MEMO1: variants seen among roughly 807,000 people sequenced by gnomAD.
The protein encoded by MEMO1 is protein MEMO1.
A neutral mutation model predicts 45.2 loss-of-function variants in MEMO1; 6 were observed. That is an observed-to-expected ratio of 0.13 (90% CI 0.07 to 0.26). The LOEUF is 0.26. Ranked by LOEUF, MEMO1 falls within the 10% of genes least tolerant of loss-of-function variation. The pLI is 1.00. For missense variants in MEMO1, 184 were observed against 370.5 expected (o/e 0.50, Z 4.13); for synonymous variants, 78 against 124.3 (o/e 0.63, Z 2.48).
At chr2:31,906,034 C>T (rs927531064) in intron 6 of MEMO1, among the ~76,000 whole-genome samples, 4 of 151,512 alleles carry the variant, frequency 2.6e-5, no homozygotes, top group South Asian at 2.1e-4. Context: ...AGTGCAATGG[C>T]GCAATCTCGG....
At chr2:31,936,339 T>G (rs1664916618) in intron 3 of MEMO1, among the ~76,000 whole-genome samples, 3 of 152,236 alleles carry the variant, frequency 2.0e-5, no homozygotes, top group Admixed American at 1.3e-4. Flanking sequence ...CAAGTCACTC[T>G]GATTCCCAAC....
chr2:31,969,586 G>GGT (rs367639470), intron 2 of MEMO1, among the ~76,000 whole-genome samples: 8,746 of 119,068 alleles, frequency 0.073, 302 homozygotes, highest in East Asian at 0.13. Context: ...TGTGTGTGTG[G>GGT]GTGTGTGTGT....
intron 8 of MEMO1, among the ~76,000 whole-genome samples, chr2:31,874,177 A>T (rs1366172476): frequency 6.6e-6 from 1 of 152,120 alleles, no homozygotes; most frequent in Non-Finnish European, 1.5e-5. Flanking sequence ...GTCTACACCA[A>T]AAAAAGTAGT....
intron 8 of MEMO1, among the ~76,000 whole-genome samples, chr2:31,874,547 T>G (rs965419180): frequency 6.6e-6 from 1 of 152,096 alleles, no homozygotes; most frequent in African/African-American, 2.4e-5. Flanking sequence ...TAGTTTTATT[T>G]TCTAGCCTTG....
chr2:31,992,715 T>TG (rs1192942246), intron 2 of MEMO1, among the ~76,000 whole-genome samples: 9 of 152,086 alleles, frequency 5.9e-5, no homozygotes, highest in Admixed American at 3.3e-4. Flanking sequence ...ACCCAGGAGA[T>TG]GGAGGGTGCA....
chr2:31,992,611 C>G (rs1374998749), intron 2 of MEMO1, among the ~76,000 whole-genome samples: 5 of 152,186 alleles, frequency 3.3e-5, no homozygotes, highest in African/African-American at 1.2e-4. Context: ...TGGCAAAACC[C>G]CATCTCTACC....
At position 31,943,330 on chromosome 2, in the gene MEMO1, T is replaced by C; in HGVS notation, c.115A>G (p.Lys39Glu). The change falls in exon 3 of 10, where the codon AAA becomes GAA. Residue 39 changes from lysine to glutamate, a missense_variant. This residue lies in a region of MEMO1 where 27 missense variants were observed against 82.1 expected (regional missense o/e 0.33). Coordinates refer to ENST00000404530, the MANE Select transcript of MEMO1 (RefSeq NM_001301833.4). ...EGWLSQVQST[K>E]RPARAIIAPH... ...GCAATAATGGCTCTAGCAGGTCTTT[T>C]TGTAGACTGTACTTGTGAAAGCCAA... 1.2e-6 allele frequency: 2 copies of C among 1,613,888 alleles called. No individual in the cohort carries two copies. Among genetic ancestry groups the C allele is most frequent in the Non-Finnish European group, 1.7e-6 (2 of 1,179,784 alleles).
chr2:31,919,082 G>C (rs967717851), intron 5 of MEMO1, among the ~76,000 whole-genome samples: 3 of 151,668 alleles, frequency 2.0e-5, no homozygotes, highest in Non-Finnish European at 4.4e-5. Flanking sequence ...TAAGAAAGAA[G>C]AATTTTTTCT....
At chr2:31,904,346 C>G (rs1269945880) in intron 6 of MEMO1, among the ~76,000 whole-genome samples, 2 of 152,206 alleles carry the variant, frequency 1.3e-5, no homozygotes, top group Non-Finnish European at 2.9e-5. Context: ...TAAACACTTT[C>G]CTTCTGAGAG....
At chr2:31,877,232 A>C (rs1674692689) in intron 8 of MEMO1, among the ~76,000 whole-genome samples, 1 of 152,240 alleles carries the variant, frequency 6.6e-6, no homozygotes, top group South Asian at 2.1e-4. Context: ...ACCCCAAGAC[A>C]AATCAACAAA....
At chr2:31,922,343 G>GAAA (rs748280495) in intron 4 of MEMO1, among the ~76,000 whole-genome samples, 3 of 118,690 alleles carry the variant, frequency 2.5e-5, no homozygotes, top group East Asian at 2.4e-4. Context: ...GTTCTGCTAT[G>GAAA]AAAAAAAAAA....
chr2:31,953,454 A>ATTT (rs148325193), intron 2 of MEMO1, among the ~76,000 whole-genome samples: 4 of 143,938 alleles, frequency 2.8e-5, no homozygotes, highest in African/African-American at 2.6e-5. Context: ...CTTTCATAAG[A>ATTT]TTTTTTTTTT....
intron 3 of MEMO1, among the ~76,000 whole-genome samples, chr2:31,933,348 A>AAATATATATATATAT (rs1558514269): frequency 6.2e-5 from 1 of 16,186 alleles, no homozygotes; most frequent in Non-Finnish European, 1.0e-4. Flanking sequence ...AAAAAAAAAA[A>AAATATATATATATAT]ATTTATATAT....
intron 2 of MEMO1, among the ~76,000 whole-genome samples, chr2:31,974,787 CA>C (rs200456531): frequency 2.0e-5 from 3 of 148,932 alleles, no homozygotes; most frequent in East Asian, 2.0e-4. Context: ...AAAAACAAAC[CA>C]AAAAAAAATT....
intron 6 of MEMO1, among the ~76,000 whole-genome samples, chr2:31,913,436 G>A (rs1680924723): frequency 6.7e-6 from 1 of 150,212 alleles, no homozygotes; most frequent in South Asian, 2.1e-4. Flanking sequence ...ATAAAGTGGA[G>A]TAAAAAAATG....
At chr2:31,996,777 C>T in intron 2 of MEMO1, among the ~76,000 whole-genome samples, 1 of 152,178 alleles carries the variant, frequency 6.6e-6, no homozygotes, top group African/African-American at 2.4e-5. Flanking sequence ...GTCACCCATG[C>T]TGGAGTGTGG....
intron 8 of MEMO1, among the ~76,000 whole-genome samples, chr2:31,881,590 A>G (rs1675381754): frequency 6.6e-6 from 1 of 152,032 alleles, no homozygotes; most frequent in Non-Finnish European, 1.5e-5. Flanking sequence ...TTGTAAAAAG[A>G]GCAAAAGGAC....
intron 2 of MEMO1, among the ~76,000 whole-genome samples, chr2:31,992,351 T>C (rs1240361106): frequency 2.0e-5 from 3 of 152,240 alleles, no homozygotes; most frequent in Admixed American, 2.0e-4. Context: ...ACAGATCATA[T>C]GGCCCACAAA....
chr2:31,946,285 C>A (rs979746756), intron 2 of MEMO1, among the ~76,000 whole-genome samples: 8 of 152,080 alleles, frequency 5.3e-5, no homozygotes, highest in Non-Finnish European at 8.8e-5. Flanking sequence ...ATAACATGCA[C>A]TGAAATTAAG....
Sources: allele counts gnomAD v4.1 joint callset (sites outside exome capture counted in the v4.1 genomes callset), GRCh38; gene constraint gnomAD v4.1.1; regional missense constraint gnomAD v4.1.1; transcripts MANE v1.5; gene names NCBI Gene and HGNC (gene_info 2026-07-23, HGNC 2026-07-21).